Variants in COL6A6 observed in about 807,000 individuals in gnomAD.
COL6A6 encodes collagen alpha-6(VI) chain.
A neutral mutation model predicts 208.6 loss-of-function variants in COL6A6; 183 were observed. The ratio of observed to expected loss-of-function variants is 0.88; its 90% CI spans 0.78 to 0.99. The LOEUF is 0.99. COL6A6 is among the 50% of genes least tolerant of loss of function. The pLI is 0.00. For synonymous variants in COL6A6, 973 were observed against 1,011.8 expected (o/e 0.96, Z 0.73); for missense variants, 2,816 against 2,815.2 (o/e 1.00, Z -0.01).
At chr3:130,568,775 G>A (rs574201233) in intron 6 of COL6A6, among the ~76,000 whole-genome samples, 171 bp downstream of exon 6, 1 of 152,246 alleles carries the variant, frequency 6.6e-6, no homozygotes. Context: ...GAAGAGTTTT[G>A]GTTTACCTAG....
chr3:130,620,145 G>A (rs1337321134), intron 23 of COL6A6, among the ~76,000 whole-genome samples: 1 of 151,996 alleles, frequency 6.6e-6, no homozygotes, highest in South Asian at 2.1e-4. Flanking sequence ...GAGGCTTGCT[G>A]TGTTACTCAG....
chr3:130,640,652 A>C lies in COL6A6; in HGVS notation c.5092-1000A>C, dbSNP rs182459705. 9.5e-4 allele frequency among the ~76,000 whole-genome samples: 145 copies of C among 152,320 alleles called. 2 individuals carry two copies. The highest frequency in any genetic ancestry group is 3.4e-3 in the African/African-American group (143 of 41,566). On this transcript the variant is annotated intron_variant, in intron 28 of 36. Transcript: ENST00000358511. ...TGTAAATCCTGTGGCATTTTGAATG[A>C]AGAAAGAAATATTCCAATTTTTAAA... is the stretch of plus-strand genomic sequence containing the variant.
intron 34 of COL6A6, among the ~76,000 whole-genome samples, chr3:130,660,424 C>T (rs2065905869): frequency 1.3e-5 from 2 of 152,232 alleles, no homozygotes; most frequent in Non-Finnish European, 2.9e-5. Context: ...CTCCTAGGAT[C>T]AGCACTCTGG....
At chr3:130,671,704 A>G (rs937388310) in intron 36 of COL6A6, among the ~76,000 whole-genome samples, 54 of 152,242 alleles carry the variant, frequency 3.5e-4, no homozygotes, top group African/African-American at 1.3e-3. Context: ...TGACTTGCAT[A>G]GGAATTAGGT....
At chr3:130,579,314 T>C (rs1347923735) in intron 8 of COL6A6, among the ~76,000 whole-genome samples, 1 of 152,212 alleles carries the variant, frequency 6.6e-6, no homozygotes, top group African/African-American at 2.4e-5. Context: ...CTCTTTTCTG[T>C]GCTTTTGTAT....
In COL6A6 at chr3:130,574,202, G is replaced by C. The variant is rs149093613; in HGVS notation, c.3224G>C (p.Gly1075Ala). The change falls in exon 8 of 37, where the codon GGA (glycine) becomes GCA (alanine). Residue 1075 changes from glycine (G) to alanine (A), a missense_variant. By Grantham distance (60) the Gly-to-Ala change is moderately conservative. Transcript: ENST00000358511. ...FQIENIKQIF[G>A]NTHIGAALRE... ...ATTGAAAACATCAAGCAGATCTTTG[G>C]AAACACACACATCGGTGCTGCACTC... 6,014 of 1,613,994 alleles carry C rather than the reference G, an allele frequency of 3.7e-3. 12 individuals are homozygous for C. Among genetic ancestry groups the C allele is most frequent in the Non-Finnish European group, 4.6e-3 (5,474 of 1,179,894 alleles).
At chr3:130,627,249 G>T (rs1228451459) in intron 25 of COL6A6, 70 bp from the exon 26 acceptor site, 3 of 1,440,484 alleles carry the variant, frequency 2.1e-6, no homozygotes, top group Non-Finnish European at 2.9e-6. Context: ...TGGCAATGTT[G>T]TCCTCTTGAA....
chr3:130,590,622 C>T (rs887743495), intron 12 of COL6A6, among the ~76,000 whole-genome samples: 1 of 151,864 alleles, frequency 6.6e-6, no homozygotes, highest in Non-Finnish European at 1.5e-5. Flanking sequence ...GGCTGGAGTG[C>T]AGTGGTGCGA....
intron 1 of COL6A6, among the ~76,000 whole-genome samples, chr3:130,528,824 C>T (rs1476739132): frequency 1.3e-5 from 2 of 152,240 alleles, no homozygotes; most frequent in Non-Finnish European, 2.9e-5. Flanking sequence ...GGAGCAGTGG[C>T]TCACGCCTGT....
At chr3:130,645,884 G>A (rs1204936611) in intron 32 of COL6A6, among the ~76,000 whole-genome samples, 1 of 152,082 alleles carries the variant, frequency 6.6e-6, no homozygotes, top group East Asian at 1.9e-4. Flanking sequence ...TTTTGTATAA[G>A]CCCACAAACC....
chr3:130,661,895 G>T lies in COL6A6; in HGVS notation c.6089G>T (p.Arg2030Ile), dbSNP rs764061185. Residue 2030 changes from arginine (R) to isoleucine (I), a missense_variant, in exon 35 of 37, where the codon AGA becomes ATA. Arg to Ile is a moderately conservative substitution (Grantham distance 97). Coordinates refer to ENST00000358511, the MANE Select transcript of COL6A6 (RefSeq NM_001102608.3). ...CCCAACACTCAGAAGAGTCCAGTTA[G>T]AGCTGAGTTCAATCTTACCACCTAC... The part of the protein sequence containing the change: ...FLPNTQKSPV[R>I]AEFNLTTYRS... 6.2e-7 allele frequency: 1 copy of T among 1,614,002 alleles called. No individual in the cohort carries two copies. Among genetic ancestry groups the T allele is most frequent in the East Asian group, 2.2e-5 (1 of 44,888 alleles).
At chr3:130,567,907 T>C in intron 5 of COL6A6, 140 bp from the exon 6 acceptor site, 1 of 646,468 alleles carries the variant, frequency 1.5e-6, no homozygotes, top group Non-Finnish European at 2.6e-6. Context: ...ACTTTTATTG[T>C]CTTCTAAGCT....
chr3:130,554,238 C>T (rs2062714492), intron 1 of COL6A6, among the ~76,000 whole-genome samples: 1 of 152,182 alleles, frequency 6.6e-6, no homozygotes, highest in Non-Finnish European at 1.5e-5. Flanking sequence ...ATAGGGGTGC[C>T]AGCTCTTGTG....
intron 33 of COL6A6, among the ~76,000 whole-genome samples, chr3:130,650,610 CAAAAAAA>C (rs3074296): frequency 1.0e-4 from 13 of 128,022 alleles, no homozygotes; most frequent in East Asian, 6.5e-4. Context: ...CCTCTGTCTC[CAAAAAAA>C]AAAAGAAAAA....
Position 130,567,279 on chromosome 3 carries a change from C to CT in COL6A6, c.1843+20dup. 1 of 1,572,492 alleles carries CT rather than the reference C, an allele frequency of 6.4e-7. No individual in the cohort carries two copies. The highest frequency in any genetic ancestry group is 8.7e-7 in the Non-Finnish European group (1 of 1,155,496). On this transcript the variant is annotated intron_variant, in intron 5 of 36. Transcript: ENST00000358511. ...CTGAAGAAGGTAAGAGAAATCGTGGCTTTACCTACTGACCTTCACTCGCAA... is the reference window on the plus strand; with the variant it reads ...CTGAAGAAGGTAAGAGAAATCGTGGCTTTTACCTACTGACCTTCACTCGCAA...
upstream of COL6A6, among the ~76,000 whole-genome samples, chr3:130,517,108 C>T (rs1055081000): frequency 6.6e-6 from 1 of 152,144 alleles, no homozygotes; most frequent in African/African-American, 2.4e-5. Flanking sequence ...CCCGGGGCCG[C>T]CGGGGCGGGG....
In COL6A6 at chr3:130,574,082, A is replaced by T. The variant is rs1005938756; in HGVS notation, c.3104A>T (p.Asn1035Ile). 3.1e-6 allele frequency: 5 copies of T among 1,613,990 alleles called. No homozygotes were observed. The Admixed American group carries it at 5.0e-5, about 16-fold the overall frequency. The change falls in exon 8 of 37, where the codon AAC (asparagine) becomes ATC (isoleucine). Residue 1035 changes from asparagine to isoleucine, a missense_variant. Physicochemically the swap from Asn to Ile is moderately radical, Grantham distance 149. Coordinates refer to ENST00000358511, the MANE Select transcript of COL6A6 (RefSeq NM_001102608.3). ...SVVQDFDVSL[N>I]RVRIGAAQFS... is the part of the protein sequence containing the mutation. ...GTTCAAGACTTTGATGTCAGCCTCA[A>T]CAGAGTGCGAATAGGAGCGGCCCAG... is the stretch of plus-strand genomic sequence containing the variant.
intron 1 of COL6A6, among the ~76,000 whole-genome samples, chr3:130,524,636 G>A (rs1004159437): frequency 2.0e-5 from 3 of 152,100 alleles, no homozygotes; most frequent in Non-Finnish European, 2.9e-5. Context: ...AAGCATGAAG[G>A]ACTTTATTTA....
chr3:130,538,162 A>G (rs1443477570), intron 1 of COL6A6, among the ~76,000 whole-genome samples: 2 of 152,242 alleles, frequency 1.3e-5, no homozygotes, highest in Non-Finnish European at 2.9e-5. Flanking sequence ...ACCTGAGGAA[A>G]TGCTCAACTT....
Sources: gnomAD v4.1 joint callset for allele counts (sites outside exome capture counted in the v4.1 genomes callset) on GRCh38, gnomAD v4.1.1 for gene constraint, MANE v1.5 for transcripts, NCBI Gene and HGNC (gene_info 2026-07-23, HGNC 2026-07-21) for gene names.